The following TET3 variants were observed in gnomAD, a reference collection of about 807,000 sequenced individuals.
The protein encoded by TET3 is methylcytosine dioxygenase TET3.
In TET3, 19 loss-of-function variants were observed where a neutral mutation model predicts 141.4. That is an observed-to-expected ratio of 0.13 (90% CI 0.09 to 0.20). The LOEUF is 0.20. Ranked by LOEUF, TET3 falls within the 10% of genes least tolerant of loss-of-function variation. The probability of loss-of-function intolerance (pLI) is 1.00; values close to 1 mark genes in which losing one functional copy is unlikely to be tolerated. For missense variants in TET3, 1,874 were observed against 2,356.9 expected, an observed-to-expected ratio of 0.80 and a Z score of 4.24; for synonymous variants, 1,043 against 980.9, an observed-to-expected ratio of 1.06 and a Z score of -1.18.
chr2:74,061,778 C>T (rs1330696857), intron 4 of TET3, among the ~76,000 whole-genome samples: 7 of 135,458 alleles, frequency 5.2e-5, no homozygotes, highest in South Asian at 4.6e-4. Context: ...ACCTCCCAGA[C>T]GGGGTCGCGG....
At chr2:74,029,819 A>G (rs1157334944) in intron 3 of TET3, among the ~76,000 whole-genome samples, 1 of 152,218 alleles carries the variant, frequency 6.6e-6, no homozygotes, top group Non-Finnish European at 1.5e-5. Flanking sequence ...ATGAGTTTGT[A>G]GTATGCCTTT....
At chr2:74,079,097 C>A (rs568653233) in intron 5 of TET3, among the ~76,000 whole-genome samples, 1 of 152,318 alleles carries the variant, frequency 6.6e-6, no homozygotes, top group South Asian at 2.1e-4. Context: ...ACCTGTAATC[C>A]CAGCACTTCG....
the TET3 span, among the ~76,000 whole-genome samples, chr2:74,124,719 G>C: frequency 6.6e-6 from 1 of 152,056 alleles, no homozygotes; most frequent in Non-Finnish European, 1.5e-5. Flanking sequence ...ATAGATGCTT[G>C]AAGGCAGCAT....
In TET3 at chr2:74,041,137, G is replaced by T. The variant is rs1573763836; in HGVS notation, c.361-5141G>T. ...ACTTGTTTCCTCTGGTTGTTAGGGG[G>T]ACTGGTTTCAGTGCATTTTCTAGTA... On this transcript the variant is annotated intron_variant, in intron 3 of 11. Coordinates refer to ENST00000409262, the MANE Select transcript of TET3 (RefSeq NM_001287491.2). Among the ~76,000 whole-genome samples the T allele has an allele frequency of 3.9e-5, 6 of 152,180 alleles. No homozygotes were observed. The South Asian group carries it at 1.2e-3, about 32-fold the overall frequency.
rs1245197382 is a variant in TET3, at chr2:74,103,287, GTGT to G, written c.*1115_*1117del. The G allele has an allele frequency of 6.6e-6, 1 of 152,648 alleles. No homozygotes were observed. The highest frequency in any genetic ancestry group is 1.5e-5 in the Non-Finnish European group (1 of 68,240). 9.5% of individuals were successfully genotyped at this position (152,648 alleles called of 1,614,324 possible). A position where few individuals can be genotyped will look rare whatever the true frequency, so the allele number is the denominator to read the frequency against. ...GTGCTGTGCGGAGCCTGGTGCTGTAGTGTTGTGCTGGGACTTTCTTGACTCTTG... is the reference window on the plus strand; with the variant it reads ...GTGCTGTGCGGAGCCTGGTGCTGTAGTGTGCTGGGACTTTCTTGACTCTTG... On this transcript the variant is annotated 3_prime_UTR_variant, in exon 12 of 12. Coordinates refer to ENST00000409262, the MANE Select transcript of TET3 (RefSeq NM_001287491.2).
Position 74,073,535 on chromosome 2 carries a change from C to G in TET3, c.2495-14C>G, listed in dbSNP as rs376963027. 27 of 1,584,262 alleles carry G rather than the reference C, an allele frequency of 1.7e-5. No individual in the cohort carries two copies. The highest frequency in any genetic ancestry group is 2.3e-5 in the Non-Finnish European group (27 of 1,165,394). ...TTGATATTCCAAAAATGTTTACTCT[C>G]TGTGTTTCTGCAGAACAAATAGTGG... On this transcript the variant is annotated splice_polypyrimidine_tract_variant and intron_variant, in intron 4 of 11. Coordinates refer to ENST00000409262, the MANE Select transcript of TET3 (RefSeq NM_001287491.2).
chr2:74,115,783 G>A, the TET3 span, among the ~76,000 whole-genome samples: 1 of 152,104 alleles, frequency 6.6e-6, no homozygotes, highest in South Asian at 2.1e-4. Context: ...GGAGGTCAAG[G>A]TGGGCAGACT....
intron 4 of TET3, among the ~76,000 whole-genome samples, chr2:74,065,791 G>A (rs1688867664): frequency 6.8e-6 from 1 of 147,312 alleles, no homozygotes; most frequent in African/African-American, 2.5e-5. Flanking sequence ...ACAGAGCGAG[G>A]CTCTGTCTCA....
Position 74,106,708 on chromosome 2 carries a change from G to A in TET3, c.*4532G>A, listed in dbSNP as rs1691521557. On this transcript the variant is annotated 3_prime_UTR_variant, in exon 12 of 12. Coordinates refer to ENST00000409262, the MANE Select transcript of TET3 (RefSeq NM_001287491.2). ...AGTTGATGTTTTAAAAACTCACCAG[G>A]AAGCTCCATTTTGTGTCATCCACTG... 1 of 153,708 alleles carries A rather than the reference G, an allele frequency of 6.5e-6. No homozygotes were observed. The highest frequency in any genetic ancestry group is 1.5e-5 in the Non-Finnish European group (1 of 68,038). The allele number at this position is 153,708 out of a possible 1,614,324, so 9.5% of individuals were successfully genotyped here.
rs867694814 is a variant in TET3 at position 74,101,624 on chromosome 2, G to T, written c.4836G>T (p.Pro1612=). 6.2e-7 allele frequency: 1 copy of T among 1,613,172 alleles called. No homozygotes were observed. Among genetic ancestry groups the T allele is most frequent in the African/African-American group, 1.3e-5 (1 of 75,034 alleles). ...LWDPFSLEEG[P]AEEPPSKGAV... ...ACCCCTTCAGCCTGGAGGAGGGGCC[G>T]GCTGAGGAGCCCCCCAGCAAGGGAG... The change falls in exon 12 of 12, where the codon CCG becomes CCT. Residue 1612 remains proline (P), a synonymous_variant. Transcript: ENST00000409262. This position sits in a 1 kb window ranked among gnomAD's most constrained non-coding sequence, Gnocchi z 8.5.
chr2:74,099,204 G>A, intron 10 of TET3, 72 bp from the exon 11 acceptor site: 2 of 1,380,048 alleles, frequency 1.4e-6, no homozygotes, highest in East Asian at 2.5e-5. Context: ...TGTGTTTTGG[G>A]TGCTCAGACC....
At position 74,100,749 on chromosome 2, in the gene TET3, C is replaced by G; in HGVS notation, c.3961C>G (p.Leu1321Val). 6.2e-7 allele frequency: 1 copy of G among 1,613,798 alleles called. No homozygotes were observed. Among genetic ancestry groups the G allele is most frequent in the East Asian group, 2.2e-5 (1 of 44,866 alleles). Reference protein sequence around the residue: ...SSGSFEKKPDLHALHNSLSPA... With the variant: ...SSGSFEKKPDVHALHNSLSPA... ...TGGCAGTTTTGAGAAGAAGCCAGAC[C>G]TCCACGCTCTGCACAACAGCCTGAG... Residue 1321 changes from leucine (L) to valine (V), a missense_variant, in exon 12 of 12, where the codon CTC becomes GTC. Around this residue, in one of 10 missense-constraint regions of TET3, gnomAD observed 602 missense variants for 590.2 expected, o/e 1.02. Coordinates refer to ENST00000409262, the MANE Select transcript of TET3 (RefSeq NM_001287491.2).
chr2:74,012,378 A>G (rs893794627), intron 3 of TET3, among the ~76,000 whole-genome samples: 1 of 152,230 alleles, frequency 6.6e-6, no homozygotes, highest in Admixed American at 6.5e-5. Context: ...ATTGTAGCAC[A>G]CTTTCCTCTG....
At chr2:74,095,608 T>C (rs1314808409) in intron 10 of TET3, among the ~76,000 whole-genome samples, 1 of 152,266 alleles carries the variant, frequency 6.6e-6, no homozygotes, top group East Asian at 1.9e-4. Context: ...AATGGCTTTA[T>C]GAAATTTTAC....
chr2:74,022,324 T>A (rs1187096408), intron 3 of TET3, among the ~76,000 whole-genome samples: 1 of 152,038 alleles, frequency 6.6e-6, no homozygotes, highest in East Asian at 1.9e-4. Flanking sequence ...TTTTTATGAA[T>A]GGTAAGACAG....
Position 74,047,902 on chromosome 2 carries a change from C to T in TET3, c.1985C>T (p.Pro662Leu), listed in dbSNP as rs767841053. 9.9e-6 allele frequency: 16 copies of T among 1,613,538 alleles called. No individual in the cohort carries two copies. The highest frequency in any genetic ancestry group is 1.4e-5 in the Non-Finnish European group (16 of 1,179,754). Residue 662 changes from proline (P) to leucine (L), a missense_variant, in exon 4 of 12, where the codon CCT (proline) becomes CTT (leucine). Pro to Leu is a moderately conservative substitution (Grantham distance 98, BLOSUM62 -3). Transcript: ENST00000409262. Reference protein sequence around the residue: ...QGSAVPLPPEPSLALFAPSPS... With the variant: ...QGSAVPLPPELSLALFAPSPS... ...TCTGCTGTGCCCCTGCCCCCAGAAC[C>T]TTCTCTTGCGCTATTTGCACCTAGT...
At chr2:74,123,791 C>T in the TET3 span, among the ~76,000 whole-genome samples, 6 of 151,466 alleles carry the variant, frequency 4.0e-5, no homozygotes, top group Non-Finnish European at 7.4e-5. Context: ...TCTTCCCGGC[C>T]GCCATCCCGT....
chr2:74,060,520 T>A (rs897730809), intron 4 of TET3, among the ~76,000 whole-genome samples: 12 of 152,204 alleles, frequency 7.9e-5, no homozygotes, highest in African/African-American at 2.9e-4. Flanking sequence ...ACATTTTTTT[T>A]TAAATTTATT....
At chr2:74,061,121 G>C (rs1373054522) in intron 4 of TET3, among the ~76,000 whole-genome samples, 1 of 149,904 alleles carries the variant, frequency 6.7e-6, no homozygotes. Flanking sequence ...CCTACCGGAC[G>C]GGGCGGCCGG....
Sources: allele counts gnomAD v4.1 joint callset (sites outside exome capture counted in the v4.1 genomes callset), GRCh38; gene constraint gnomAD v4.1.1; regional missense constraint gnomAD v4.1.1; non-coding constraint Gnocchi (gnomAD v3.1); transcripts MANE v1.5; gene names NCBI Gene and HGNC (gene_info 2026-07-23, HGNC 2026-07-21).